Variants in A4GALT observed in about 807,000 individuals in gnomAD.
The protein encoded by A4GALT is alpha 1,4-galactosyltransferase (P1PK blood group).
For synonymous variants in A4GALT, 257 were observed against 220.7 expected, an observed-to-expected ratio of 1.16 and a Z score of -1.46; for missense variants, 512 against 486.0, an observed-to-expected ratio of 1.05 and a Z score of -0.50.
At chr22:42,695,777 T>G (rs1268799153) in intron 1 of A4GALT, 146 bp from the exon 2 acceptor site, 1 of 152,266 alleles carries the variant, frequency 6.6e-6, no homozygotes, top group Non-Finnish European at 1.5e-5. Flanking sequence ...ACTCAGGGAA[T>G]AGGGGCAGGC....
At chr22:42,721,119 T>TC (rs1386351309), upstream of A4GALT, 1 of 152,226 alleles carries the variant, frequency 6.6e-6, no homozygotes, top group Admixed American at 6.5e-5. Flanking sequence ...CATCCCGTTT[T>TC]CCCCATTGAA....
At position 42,692,315 on chromosome 22, in the gene A4GALT, G is replaced by C. The variant is rs1031445249; in HGVS notation, c.*575C>G. On this transcript the variant is annotated 3_prime_UTR_variant, in exon 3 of 3. Transcript: ENST00000642412. This position sits in a 1 kb window ranked among gnomAD's most constrained non-coding sequence, Gnocchi z 4.6. ...GAAGAAGGATGGGGTGGGCAGAAGG[G>C]GCTGCCCCCAAACGGCTCCCCAGGC... The C allele has an allele frequency of 1.4e-4, 38 of 265,450 alleles. No homozygotes were observed. The highest frequency in any genetic ancestry group is 8.2e-4 in the African/African-American group (37 of 45,136). The allele number at this position is 265,450 out of a possible 1,614,324, so 16.4% of individuals were successfully genotyped here.
intron 1 of A4GALT, among the ~76,000 whole-genome samples, chr22:42,706,100 A>G (rs1921071337): frequency 8.6e-6 from 1 of 116,072 alleles, no homozygotes; most frequent in African/African-American, 2.8e-5. Flanking sequence ...TCACGCCTGT[A>G]ATCTCAGCAC....
rs148995523 is a variant in A4GALT at position 42,707,131 on chromosome 22, A to G, written c.-187-11500T>C. 3.7e-3 allele frequency among the ~76,000 whole-genome samples: 557 copies of G among 152,308 alleles called. 4 individuals are homozygous for G. Among genetic ancestry groups the G allele is most frequent in the African/African-American group, 0.013 (531 of 41,580 alleles). On this transcript the variant is annotated intron_variant, in intron 1 of 2. Transcript: ENST00000642412. ...CAAATAAGATAATCAGTAAGGTACTATAATATTTCAAACTCTCTACCCTAG... is the reference window on the plus strand; with the variant it reads ...CAAATAAGATAATCAGTAAGGTACTGTAATATTTCAAACTCTCTACCCTAG...
Position 42,701,783 on chromosome 22 carries a change from C to T in A4GALT, c.-187-6152G>A, listed in dbSNP as rs565390733. Among the ~76,000 whole-genome samples, 8 of 152,248 alleles carry T rather than the reference C, an allele frequency of 5.3e-5. 1 individual carries two copies. In the South Asian group the frequency reaches 1.7e-3, roughly 32 times the overall value. On this transcript the variant is annotated intron_variant, in intron 1 of 2. Coordinates refer to ENST00000642412, the MANE Select transcript of A4GALT (RefSeq NM_017436.7). ...CAGGTCCAAGCAGAGGTATGTGCTT[C>T]CCATGGGGTCACTAGGTGTGAGCCA...
At chr22:42,704,261 T>C (rs1401882160) in intron 1 of A4GALT, among the ~76,000 whole-genome samples, 1 of 152,042 alleles carries the variant, frequency 6.6e-6, no homozygotes, top group Non-Finnish European at 1.5e-5. Flanking sequence ...GGTGGGCAAA[T>C]CATGAGGTCA....
At chr22:42,701,287 CA>C (rs1257592748) in intron 1 of A4GALT, among the ~76,000 whole-genome samples, 1 of 152,202 alleles carries the variant, frequency 6.6e-6, no homozygotes, top group Non-Finnish European at 1.5e-5. Flanking sequence ...TGTCTGTGGA[CA>C]GGGGTAACAC....
chr22:42,702,472 C>T (rs915049210), intron 1 of A4GALT, among the ~76,000 whole-genome samples: 2 of 151,962 alleles, frequency 1.3e-5, no homozygotes, highest in African/African-American at 4.8e-5. Flanking sequence ...CTCCCAAGTA[C>T]TACAGGAGTG....
At chr22:42,703,253 G>GTT (rs1224692766) in intron 1 of A4GALT, among the ~76,000 whole-genome samples, 22 of 110,282 alleles carry the variant, frequency 2.0e-4, no homozygotes, top group Non-Finnish European at 3.0e-4. Flanking sequence ...TTGTTTGTTT[G>GTT]TTTTTGTTTT....
rs1243041343 is a variant in A4GALT at position 42,693,274 on chromosome 22, C to A, written c.678G>T (p.Arg226=). 2.5e-6 allele frequency: 4 copies of A among 1,612,750 alleles called. No homozygotes were observed. Among genetic ancestry groups the A allele is most frequent in the Non-Finnish European group, 3.4e-6 (4 of 1,179,926 alleles). The change falls in exon 3 of 3, where the codon CGG becomes CGT. Residue 226 remains arginine (R), a synonymous_variant. Transcript: ENST00000642412. ...LNGAFLAFER[R]HEFMALCMRD... The stretch of plus-strand genomic sequence containing the variant: ...GCATGCACAGCGCCATGAACTCGTG[C>A]CGGCGCTCGAAGGCCAGGAACGCGC...
rs780073750 is a variant in A4GALT at position 42,693,127 on chromosome 22, G to A, written c.825C>T (p.Gly275=). 6 of 1,607,234 alleles carry A rather than the reference G, an allele frequency of 3.7e-6. No homozygotes were observed. The highest frequency in any genetic ancestry group is 1.7e-5 in the Admixed American group (1 of 58,546). The change falls in exon 3 of 3, where the codon GGC becomes GGT. Residue 275 remains glycine (G), a synonymous_variant. Transcript: ENST00000642412. ...AGGCCTCAGGGGGCAGGGTGGTGAC[G>A]CCGCGGCAGGCGCGGCTCTCGGCCA... ...RSLAESRACR[G]VTTLPPEAFY... is the part of the protein sequence containing the mutation.
At chr22:42,707,955 CAAA>C in intron 1 of A4GALT, among the ~76,000 whole-genome samples, 1 of 106,084 alleles carries the variant, frequency 9.4e-6, no homozygotes, top group African/African-American at 4.6e-5. Flanking sequence ...ACTGTCACTA[CAAA>C]AAAAAAAAAA....
intron 1 of A4GALT, among the ~76,000 whole-genome samples, chr22:42,695,939 A>G (rs936785296): frequency 6.6e-6 from 1 of 151,992 alleles, no homozygotes; most frequent in Non-Finnish European, 1.5e-5. Flanking sequence ...CCTGGCCAAC[A>G]TGGTGAAACC....
At chr22:42,709,308 A>T (rs962215934) in intron 1 of A4GALT, among the ~76,000 whole-genome samples, 1 of 145,528 alleles carries the variant, frequency 6.9e-6, no homozygotes, top group African/African-American at 2.5e-5. Flanking sequence ...GCCTCCCAAA[A>T]TGCTGGAACT....
Position 42,698,022 on chromosome 22 carries a change from G to A in A4GALT, c.-187-2391C>T, listed in dbSNP as rs138476581. On this transcript the variant is annotated intron_variant, in intron 1 of 2. Transcript: ENST00000642412. ...TCCCGGCACTTTGGGAGGCTGAGGT[G>A]GGCGGATCATGAAGTCAGGAGATTA... 5.7e-4 allele frequency among the ~76,000 whole-genome samples: 87 copies of A among 152,090 alleles called. No homozygotes were observed. In the East Asian group the frequency reaches 0.012, roughly 21 times the overall value.
At chr22:42,704,671 C>G (rs1040760335) in intron 1 of A4GALT, among the ~76,000 whole-genome samples, 7 of 151,916 alleles carry the variant, frequency 4.6e-5, no homozygotes, top group African/African-American at 1.7e-4. Context: ...ACGTTACAAA[C>G]AGAAAACTCA....
intron 1 of A4GALT, among the ~76,000 whole-genome samples, chr22:42,700,259 C>G (rs1249971722): frequency 6.6e-6 from 1 of 152,184 alleles, no homozygotes; most frequent in Non-Finnish European, 1.5e-5. Context: ...CTGGTGCTGA[C>G]ACAGGTTCAG....
At chr22:42,699,938 C>T (rs1356942336) in intron 1 of A4GALT, among the ~76,000 whole-genome samples, 1 of 152,174 alleles carries the variant, frequency 6.6e-6, no homozygotes, top group East Asian at 1.9e-4. Context: ...AATTCGCCCC[C>T]GTTCTCCTGC....
intron 1 of A4GALT, among the ~76,000 whole-genome samples, chr22:42,707,784 T>G (rs1055109031): frequency 6.6e-6 from 1 of 151,694 alleles, no homozygotes; most frequent in African/African-American, 2.4e-5. Context: ...ACAGAAAGGA[T>G]AAAAATAAAT....
Sources: allele counts gnomAD v4.1 joint callset (sites outside exome capture counted in the v4.1 genomes callset), GRCh38; gene constraint gnomAD v4.1.1; non-coding constraint Gnocchi (gnomAD v3.1); transcripts MANE v1.5; gene names NCBI Gene and HGNC (gene_info 2026-07-23, HGNC 2026-07-21).